The following EYS variants were observed in gnomAD, a reference collection of about 807,000 sequenced individuals.
The protein encoded by EYS is EGF-like photoreceptor maintenance factor, also known as protein eyes shut homolog.
Under a neutral mutation model 282.1 loss-of-function variants are expected in EYS, and 250 were observed. The ratio of observed to expected loss-of-function variants is 0.89; its 90% CI spans 0.80 to 0.98. The LOEUF (loss-of-function observed/expected upper bound fraction) is 0.98. EYS is among the 50% of genes least tolerant of loss of function. EYS has a pLI of 0.00. For missense variants in EYS, 4,016 were observed against 3,709.0 expected (o/e 1.08, Z -2.15); for synonymous variants, 1,355 against 1,282.9 (o/e 1.06, Z -1.20).
intron 22 of EYS, among the ~76,000 whole-genome samples, chr6:64,801,874 AT>A (rs991064922): frequency 1.4e-4 from 22 of 151,974 alleles, no homozygotes; most frequent in African/African-American, 5.3e-4. Flanking sequence ...CTGAGGAGAG[AT>A]TCTCCAAACA....
At chr6:65,621,976 T>G (rs4298329) in intron 2 of EYS, among the ~76,000 whole-genome samples, 54,259 of 151,982 alleles carry the variant, frequency 0.36, 12,111 homozygotes, top group Non-Finnish European at 0.49. Flanking sequence ...TGTGGCACAT[T>G]ATAGAAAAAA....
At chr6:64,544,592 T>C (rs1764791851) in intron 26 of EYS, among the ~76,000 whole-genome samples, 1 of 152,190 alleles carries the variant, frequency 6.6e-6, no homozygotes, top group South Asian at 2.1e-4. Flanking sequence ...GCTGGTTTTT[T>C]GAAAAGATCA....
At chr6:64,489,828 A>G (rs1776684307) in intron 26 of EYS, among the ~76,000 whole-genome samples, 1 of 150,662 alleles carries the variant, frequency 6.6e-6, no homozygotes, top group Non-Finnish European at 1.5e-5. Context: ...ATATTTTTAT[A>G]TACTTCTGGT....
chr6:63,816,590 C>T lies in EYS; in HGVS notation c.7229-10218G>A, dbSNP rs555918694. Among the ~76,000 whole-genome samples, 142 of 152,320 alleles carry T rather than the reference C, an allele frequency of 9.3e-4. 1 individual carries two copies. Among genetic ancestry groups the T allele is most frequent in the Non-Finnish European group, 1.5e-3 (102 of 68,022 alleles). On this transcript the variant is annotated intron_variant, in intron 36 of 42. Transcript: ENST00000503581. The stretch of plus-strand genomic sequence containing the variant: ...TTGTGTGAACAGCTATTTCAGGATG[C>T]AGCCACTGGTATTTCTATGACTGGG...
chr6:65,310,959 CT>C (rs1769139975), intron 11 of EYS, among the ~76,000 whole-genome samples: 1 of 152,016 alleles, frequency 6.6e-6, no homozygotes, highest in African/African-American at 2.4e-5. Context: ...TAATGACCAA[CT>C]TTTCCTGTCG....
At chr6:65,475,756 G>GAC (rs545961939) in intron 5 of EYS, among the ~76,000 whole-genome samples, 16,092 of 145,940 alleles carry the variant, frequency 0.11, 1,096 homozygotes, top group South Asian at 0.19. Flanking sequence ...CAGACAGACA[G>GAC]ACACACACAC....
At chr6:64,910,423 T>A in intron 16 of EYS, among the ~76,000 whole-genome samples, 1 of 152,094 alleles carries the variant, frequency 6.6e-6, no homozygotes, top group Admixed American at 6.6e-5. Flanking sequence ...GACACGTTAT[T>A]ACAGTATTCA....
chr6:65,298,846 T>C (rs777781074), intron 11 of EYS, among the ~76,000 whole-genome samples: 27 of 150,332 alleles, frequency 1.8e-4, no homozygotes, highest in Non-Finnish European at 3.1e-4. Flanking sequence ...ATTAGCACAT[T>C]TTGTTTTCAA....
At chr6:64,151,367 T>A (rs1774728715) in intron 31 of EYS, among the ~76,000 whole-genome samples, 3 of 105,214 alleles carry the variant, frequency 2.9e-5, no homozygotes, top group African/African-American at 1.4e-4. Context: ...ATATATAATT[T>A]TTTTTTTCTT....
chr6:64,263,998 A>T (rs1329728974), intron 30 of EYS, among the ~76,000 whole-genome samples: 4 of 152,188 alleles, frequency 2.6e-5, no homozygotes, highest in Admixed American at 2.6e-4. Flanking sequence ...TTATCCTTAT[A>T]TTCCACACCC....
At chr6:63,869,869 G>A (rs1349360943) in intron 35 of EYS, among the ~76,000 whole-genome samples, 1 of 152,068 alleles carries the variant, frequency 6.6e-6, no homozygotes, top group African/African-American at 2.4e-5. Context: ...ATTAATAATT[G>A]TTTGTCAAAT....
intron 16 of EYS, among the ~76,000 whole-genome samples, chr6:64,903,617 A>G (rs1425452947): frequency 6.6e-6 from 1 of 152,184 alleles, no homozygotes; most frequent in Non-Finnish European, 1.5e-5. Flanking sequence ...CGAGTGATAT[A>G]GCACAGCTTT....
intron 2 of EYS, among the ~76,000 whole-genome samples, chr6:65,499,337 A>G (rs938787780): frequency 6.6e-6 from 1 of 152,062 alleles, no homozygotes; most frequent in African/African-American, 2.4e-5. Context: ...GTTGGCATAT[A>G]ATAGGCATTC....
intron 34 of EYS, among the ~76,000 whole-genome samples, chr6:63,985,730 C>A (rs970963597): frequency 6.6e-6 from 1 of 151,592 alleles, no homozygotes; most frequent in Non-Finnish European, 1.5e-5. Context: ...TAGCCATATG[C>A]AGAAGATTGA....
intron 31 of EYS, among the ~76,000 whole-genome samples, chr6:64,221,503 A>C (rs1042314981): frequency 6.6e-6 from 1 of 152,060 alleles, no homozygotes. Flanking sequence ...TGAACCATTA[A>C]ATTTCTGTTT....
chr6:65,349,265 T>G (rs952640929), intron 9 of EYS, among the ~76,000 whole-genome samples: 1 of 151,612 alleles, frequency 6.6e-6, no homozygotes, highest in African/African-American at 2.4e-5. Flanking sequence ...ATTTAATATA[T>G]GGCAGAGCTC....
intron 8 of EYS, among the ~76,000 whole-genome samples, chr6:65,381,364 G>A (rs1021356866): frequency 2.0e-5 from 3 of 152,026 alleles, no homozygotes; most frequent in African/African-American, 7.2e-5. Flanking sequence ...AGCAACATAG[G>A]AACAGAAAAG....
At chr6:64,815,217 T>C in intron 21 of EYS, 2 of 458,870 alleles carry the variant, frequency 4.4e-6, no homozygotes, top group Non-Finnish European at 8.8e-6. Context: ...TTGTTCCACT[T>C]TTGCTGAAAA....
At chr6:64,854,257 C>A (rs1226665080) in intron 19 of EYS, among the ~76,000 whole-genome samples, 1 of 152,016 alleles carries the variant, frequency 6.6e-6, no homozygotes, top group Non-Finnish European at 1.5e-5. Flanking sequence ...TGGGTATATA[C>A]CCAAATGATT....
Sources: gnomAD v4.1 joint callset for allele counts (sites outside exome capture counted in the v4.1 genomes callset) on GRCh38, gnomAD v4.1.1 for gene constraint, MANE v1.5 for transcripts, NCBI Gene and HGNC (gene_info 2026-07-23, HGNC 2026-07-21) for gene names.